Variants in BAZ2B observed in about 807,000 individuals in gnomAD.
BAZ2B encodes the protein bromodomain adjacent to zinc finger domain protein 2B.
A neutral mutation model predicts 246.0 loss-of-function variants in BAZ2B; 91 were observed. That is an observed-to-expected ratio of 0.37 (90% CI 0.31 to 0.44). The LOEUF (loss-of-function observed/expected upper bound fraction) is 0.44, where lower values mean the gene tolerates loss of function less well. Ranked by LOEUF, BAZ2B falls within the 20% of genes least tolerant of loss-of-function variation. BAZ2B has a pLI of 1.00. For synonymous variants in BAZ2B, 855 were observed against 860.0 expected, an observed-to-expected ratio of 0.99 and a Z score of 0.10; for missense variants, 2,332 against 2,533.7, an observed-to-expected ratio of 0.92 and a Z score of 1.71.
At chr2:159,424,367 C>A (rs1034795646) in intron 13 of BAZ2B, among the ~76,000 whole-genome samples, 3 of 151,924 alleles carry the variant, frequency 2.0e-5, no homozygotes, top group African/African-American at 7.3e-5. Flanking sequence ...GCTGAATGGC[C>A]TTTTATGTAA....
intron 2 of BAZ2B, among the ~76,000 whole-genome samples, chr2:159,554,536 T>C (rs1055747603): frequency 6.6e-6 from 1 of 151,870 alleles, no homozygotes; most frequent in African/African-American, 2.4e-5. Context: ...ATAAAGCCTT[T>C]AAAAATAAAT....
At chr2:159,638,058 T>A in the BAZ2B span, among the ~76,000 whole-genome samples, 1 of 152,150 alleles carries the variant, frequency 6.6e-6, no homozygotes, top group African/African-American at 2.4e-5. Flanking sequence ...TACCCCCAGT[T>A]CCAGGTGACT....
At chr2:159,489,008 C>A (rs1425549194) in intron 2 of BAZ2B, among the ~76,000 whole-genome samples, 3 of 152,194 alleles carry the variant, frequency 2.0e-5, no homozygotes, top group African/African-American at 7.2e-5. Context: ...ATCAGTGTTA[C>A]TGGCCTATTC....
At chr2:159,540,553 G>T (rs2086541204) in intron 2 of BAZ2B, among the ~76,000 whole-genome samples, 1 of 152,132 alleles carries the variant, frequency 6.6e-6, no homozygotes, top group Admixed American at 6.5e-5. Flanking sequence ...TGAGGATGAT[G>T]TTTTCTATTT....
intron 2 of BAZ2B, among the ~76,000 whole-genome samples, chr2:159,497,858 C>T (rs1344093522): frequency 6.6e-6 from 1 of 152,188 alleles, no homozygotes; most frequent in Non-Finnish European, 1.5e-5. Context: ...ATGCTACTTA[C>T]ACCACTGAGA....
intron 23 of BAZ2B, among the ~76,000 whole-genome samples, chr2:159,384,303 T>G (rs1385859045): frequency 6.6e-6 from 1 of 152,070 alleles, no homozygotes; most frequent in Non-Finnish European, 1.5e-5. Context: ...TTAAATGAAA[T>G]TATTCTTTCA....
intron 2 of BAZ2B, among the ~76,000 whole-genome samples, chr2:159,527,264 C>T (rs1051318292): frequency 2.0e-5 from 3 of 151,968 alleles, no homozygotes; most frequent in South Asian, 2.1e-4. Context: ...ACCTTTTTGG[C>T]GAAATGAATA....
intron 1 of BAZ2B, among the ~76,000 whole-genome samples, chr2:159,557,168 C>A (rs1269750821): frequency 1.3e-5 from 2 of 149,022 alleles, no homozygotes; most frequent in African/African-American, 5.0e-5. Context: ...CCTGCCTCAG[C>A]CTCCTGAGTA....
At chr2:159,368,110 G>A (rs1055923683) in intron 27 of BAZ2B, among the ~76,000 whole-genome samples, 4 of 152,078 alleles carry the variant, frequency 2.6e-5, no homozygotes, top group Admixed American at 2.0e-4. Flanking sequence ...AGCTTTTTGT[G>A]GATAGGGACA....
At chr2:159,526,568 T>C (rs547901174) in intron 2 of BAZ2B, among the ~76,000 whole-genome samples, 27 of 152,316 alleles carry the variant, frequency 1.8e-4, no homozygotes, top group African/African-American at 6.3e-4. Flanking sequence ...ATATCTTTAA[T>C]ATGCTAACAC....
intron 16 of BAZ2B, 34 bp downstream of exon 16, chr2:159,404,815 T>C (rs1467949778): frequency 1.3e-6 from 2 of 1,567,730 alleles, no homozygotes; most frequent in East Asian, 2.2e-5. Flanking sequence ...ATAAGTCCCA[T>C]ATTTTAAAAG....
At chr2:159,325,942 T>G in intron 34 of BAZ2B, 24 bp from the exon 35 acceptor site, 1 of 1,547,198 alleles carries the variant, frequency 6.5e-7, no homozygotes, top group Non-Finnish European at 8.7e-7. Context: ...AAAAAGTAAA[T>G]GAGGTGTAAG....
the BAZ2B span, among the ~76,000 whole-genome samples, chr2:159,699,774 T>C: frequency 2.0e-5 from 3 of 152,160 alleles, no homozygotes; most frequent in Non-Finnish European, 4.4e-5. Context: ...TTTTATTCAC[T>C]CTTAATTACA....
At chr2:159,350,734 C>T (rs1407292423) in intron 27 of BAZ2B, among the ~76,000 whole-genome samples, 1 of 152,000 alleles carries the variant, frequency 6.6e-6, no homozygotes, top group Non-Finnish European at 1.5e-5. Context: ...CCATGCCTGG[C>T]TAATTTTTTT....
chr2:159,385,418 C>T (rs375367483), intron 22 of BAZ2B, 49 bp from the exon 23 acceptor site: 140 of 1,471,610 alleles, frequency 9.5e-5, no homozygotes, highest in Non-Finnish European at 5.8e-5. Flanking sequence ...CCATTTATAC[C>T]ATAAAAACAA....
intron 1 of BAZ2B, among the ~76,000 whole-genome samples, chr2:159,570,534 A>C (rs1683745901): frequency 6.6e-6 from 1 of 152,184 alleles, no homozygotes; most frequent in Non-Finnish European, 1.5e-5. Context: ...CAGGATATAA[A>C]AAATGTAAGT....
chr2:159,326,435 A>G (rs1169449048), intron 34 of BAZ2B, among the ~76,000 whole-genome samples: 1 of 152,148 alleles, frequency 6.6e-6, no homozygotes, highest in Non-Finnish European at 1.5e-5. Flanking sequence ...TTTTTCCTGG[A>G]TAAAAGATAA....
the BAZ2B span, among the ~76,000 whole-genome samples, chr2:159,636,934 T>C: frequency 3.9e-5 from 6 of 152,098 alleles, no homozygotes; most frequent in South Asian, 1.2e-3. Context: ...TTTCTAGACA[T>C]ACCCTGGGCC....
At chr2:159,686,590 T>C in the BAZ2B span, among the ~76,000 whole-genome samples, 1 of 149,580 alleles carries the variant, frequency 6.7e-6, no homozygotes, top group African/African-American at 2.5e-5. Context: ...TAACCTGAAT[T>C]GGATCTTGAA....
Sources: gnomAD v4.1 joint callset for allele counts (sites outside exome capture counted in the v4.1 genomes callset) on GRCh38, gnomAD v4.1.1 for gene constraint, MANE v1.5 for transcripts, NCBI Gene and HGNC (gene_info 2026-07-23, HGNC 2026-07-21) for gene names.